The following LRRC4C variants were observed in gnomAD, a reference collection of about 807,000 sequenced individuals.
The protein encoded by LRRC4C is leucine-rich repeat-containing protein 4C.
In LRRC4C, 5 loss-of-function variants were observed where a neutral mutation model predicts 33.6. That is an observed-to-expected ratio of 0.15 (90% CI 0.08 to 0.31). The LOEUF is 0.31. Among genes scored for constraint, LRRC4C ranks in the 10% least tolerant of loss-of-function variants. The pLI is 1.00. For synonymous variants in LRRC4C, 329 were observed against 302.0 expected, an observed-to-expected ratio of 1.09 and a Z score of -0.93; for missense variants, 560 against 796.7, an observed-to-expected ratio of 0.70 and a Z score of 3.58.
At chr11:41,416,728 T>C (rs2138275770) in intron 1 of LRRC4C, among the ~76,000 whole-genome samples, 1 of 152,182 alleles carries the variant, frequency 6.6e-6, no homozygotes, top group Middle Eastern at 3.4e-3. Context: ...GTCTAACTGC[T>C]TTTCTTATTT....
At chr11:41,422,787 T>A (rs1219767553) in intron 1 of LRRC4C, among the ~76,000 whole-genome samples, 1 of 152,086 alleles carries the variant, frequency 6.6e-6, no homozygotes, top group Non-Finnish European at 1.5e-5. Context: ...GTAGATTTTT[T>A]TTCTTTTTCT....
Position 40,371,083 on chromosome 11 carries a change from C to G in LRRC4C, c.-269-51362G>C, listed in dbSNP as rs115660829. Among the ~76,000 whole-genome samples the G allele has an allele frequency of 7.3e-3, 1,112 of 152,132 alleles. 13 individuals are homozygous for G. The highest frequency in any genetic ancestry group is 0.025 in the African/African-American group (1,053 of 41,492). Reference sequence around the variant, plus strand: ...GCATAAGAAGTGCTGCTTGCTAGATCACAAAGACATTAATTAAAAAATTAA... The same window carrying G: ...GCATAAGAAGTGCTGCTTGCTAGATGACAAAGACATTAATTAAAAAATTAA... On this transcript the variant is annotated intron_variant, in intron 3 of 6. Transcript: ENST00000528697.
At position 40,600,492 on chromosome 11, in the gene LRRC4C, A is replaced by G. The variant is rs567890283; in HGVS notation, c.-270+47650T>C. On this transcript the variant is annotated intron_variant, in intron 3 of 6. Transcript: ENST00000528697. ...GACACTGCTGGCATTTTGGAAAGGA[A>G]TTATTTGTTTAGCAAGACCATCCCT... Among the ~76,000 whole-genome samples, 147 of 152,296 alleles carry G rather than the reference A, an allele frequency of 9.7e-4. 1 individual carries two copies. The Middle Eastern group carries it at 0.01, about 11-fold the overall frequency.
chr11:41,321,743 G>A (rs1160355880), intron 1 of LRRC4C, among the ~76,000 whole-genome samples: 3 of 151,986 alleles, frequency 2.0e-5, no homozygotes, highest in African/African-American at 7.2e-5. Context: ...TTAGTAACTG[G>A]GAATAGCATC....
At chr11:40,334,365 T>C (rs1279625580) in intron 3 of LRRC4C, among the ~76,000 whole-genome samples, 1 of 151,800 alleles carries the variant, frequency 6.6e-6, no homozygotes, top group Non-Finnish European at 1.5e-5. Context: ...CTATTATCCA[T>C]GAGGCCAGTA....
chr11:41,306,157 A>G (rs1950500033), intron 1 of LRRC4C, among the ~76,000 whole-genome samples: 1 of 152,058 alleles, frequency 6.6e-6, no homozygotes, highest in Non-Finnish European at 1.5e-5. Context: ...AAGCTCTTTC[A>G]TGAAGACATC....
At chr11:40,999,850 G>T (rs1854245887) in intron 1 of LRRC4C, among the ~76,000 whole-genome samples, 1 of 152,070 alleles carries the variant, frequency 6.6e-6, no homozygotes, top group South Asian at 2.1e-4. Flanking sequence ...CATTGGAAAA[G>T]AGGTAACATT....
intron 1 of LRRC4C, among the ~76,000 whole-genome samples, chr11:41,272,853 C>T (rs1384228437): frequency 6.6e-6 from 1 of 152,118 alleles, no homozygotes; most frequent in African/African-American, 2.4e-5. Context: ...AGATCAGAAA[C>T]ATTACATTGA....
At chr11:41,332,976 T>C (rs1951341940) in intron 1 of LRRC4C, among the ~76,000 whole-genome samples, 1 of 152,186 alleles carries the variant, frequency 6.6e-6, no homozygotes, top group Non-Finnish European at 1.5e-5. Context: ...ACAGCTTCTC[T>C]TGTAAAAGTT....
chr11:41,151,784 T>C (rs576241265), intron 1 of LRRC4C, among the ~76,000 whole-genome samples: 3 of 152,184 alleles, frequency 2.0e-5, no homozygotes, highest in Admixed American at 6.6e-5. Context: ...AAGAATTACA[T>C]AGATAGATAA....
chr11:40,414,305 T>C (rs1375257163), intron 3 of LRRC4C, among the ~76,000 whole-genome samples: 4 of 152,068 alleles, frequency 2.6e-5, no homozygotes, highest in Non-Finnish European at 5.9e-5. Flanking sequence ...GATTACAGAT[T>C]TTGCTGAACA....
At chr11:40,261,804 A>G (rs1488940000) in intron 4 of LRRC4C, among the ~76,000 whole-genome samples, 1 of 152,058 alleles carries the variant, frequency 6.6e-6, no homozygotes, top group Non-Finnish European at 1.5e-5. Context: ...AACTGAAACG[A>G]CCCCTTCCTT....
chr11:41,112,787 A>G (rs1000406498), intron 1 of LRRC4C, among the ~76,000 whole-genome samples: 2 of 152,088 alleles, frequency 1.3e-5, no homozygotes, highest in African/African-American at 2.4e-5. Flanking sequence ...AGAGAGTCAG[A>G]GCACATTCAT....
intron 1 of LRRC4C, among the ~76,000 whole-genome samples, chr11:41,249,046 T>C (rs925781593): frequency 6.6e-6 from 1 of 151,910 alleles, no homozygotes; most frequent in African/African-American, 2.4e-5. Context: ...CTTCTTTTTT[T>C]TTTTTTGAGA....
chr11:41,102,378 AT>A (rs1024035745), intron 1 of LRRC4C, among the ~76,000 whole-genome samples: 1 of 152,088 alleles, frequency 6.6e-6, no homozygotes, highest in African/African-American at 2.4e-5. Context: ...CAGATAAATA[AT>A]TTTTTGAAAG....
intron 4 of LRRC4C, among the ~76,000 whole-genome samples, chr11:40,279,647 T>C (rs962044590): frequency 5.3e-5 from 8 of 152,288 alleles, no homozygotes; most frequent in Admixed American, 1.3e-4. Flanking sequence ...TAATCATGCT[T>C]ATGTCACACA....
chr11:40,677,111 C>T (rs914152256), intron 2 of LRRC4C, among the ~76,000 whole-genome samples: 21 of 152,010 alleles, frequency 1.4e-4, no homozygotes, highest in Non-Finnish European at 2.2e-4. Context: ...ATTTGCTGGG[C>T]GTGGTGGCTC....
intron 3 of LRRC4C, among the ~76,000 whole-genome samples, chr11:40,584,931 C>G (rs1457422257): frequency 7.7e-6 from 1 of 129,448 alleles, no homozygotes; most frequent in Non-Finnish European, 1.6e-5. Flanking sequence ...GACTCCACTT[C>G]AAAAACCAAT....
At chr11:40,133,715 C>T (rs907243547) in intron 6 of LRRC4C, among the ~76,000 whole-genome samples, 1 of 152,042 alleles carries the variant, frequency 6.6e-6, no homozygotes, top group Non-Finnish European at 1.5e-5. Context: ...TTGCGTAGAT[C>T]CTTGTAAGTA....
Sources: allele counts gnomAD v4.1 joint callset (sites outside exome capture counted in the v4.1 genomes callset), GRCh38; gene constraint gnomAD v4.1.1; transcripts MANE v1.5; gene names NCBI Gene and HGNC (gene_info 2026-07-23, HGNC 2026-07-21).